Variants in DDB1 observed in about 807,000 individuals in gnomAD.
The protein encoded by DDB1 is damage specific DNA binding protein 1.
In DDB1, 18 loss-of-function variants were observed where a neutral mutation model predicts 133.1. That is an observed-to-expected ratio of 0.14 (90% CI 0.09 to 0.20). The LOEUF is 0.20. Ranked by LOEUF, DDB1 falls within the 10% of genes least tolerant of loss-of-function variation. DDB1 has a pLI of 1.00. For missense variants in DDB1, 828 were observed against 1,459.2 expected, an observed-to-expected ratio of 0.57 and a Z score of 7.05; for synonymous variants, 580 against 550.5, an observed-to-expected ratio of 1.05 and a Z score of -0.75.
At position 61,329,997 on chromosome 11, in the gene DDB1, C is replaced by T; in HGVS notation, c.288G>A (p.Glu96=). 1 of 1,614,062 alleles carries T rather than the reference C, an allele frequency of 6.2e-7. No homozygotes were observed. Among genetic ancestry groups the T allele is most frequent in the Non-Finnish European group, 8.5e-7 (1 of 1,179,922 alleles). The change falls in exon 3 of 27, where the codon GAG becomes GAA. Residue 96 remains glutamate (E), a synonymous_variant. Coordinates refer to ENST00000301764, the MANE Select transcript of DDB1 (RefSeq NM_001923.5). Reference sequence around the variant, plus strand: ...GGGCTCGCGTAATGATGTCAATGCTCTCGCCACTCTGTTTATACTCCAGGA... The same window carrying T: ...GGGCTCGCGTAATGATGTCAATGCTTTCGCCACTCTGTTTATACTCCAGGA... The part of the protein sequence containing the change: ...ACILEYKQSG[E]SIDIITRAHG...
rs1264291923 is a variant in DDB1 at position 61,309,046 on chromosome 11, C to T, written c.2598G>A (p.Val866=). 1 of 1,614,066 alleles carries T rather than the reference C, an allele frequency of 6.2e-7. No individual in the cohort carries two copies. The highest frequency in any genetic ancestry group is 8.5e-7 in the Non-Finnish European group (1 of 1,180,042). ...GKLQTVAEKE[V]KGAVYSMVEF... ...CCACCATAGAGTACACGGCCCCTTT[C>T]ACTTCCTTTTCAGCCACAGTCTGTA... Residue 866 remains valine, a synonymous_variant, in exon 21 of 27, where the codon GTG becomes GTA. Transcript: ENST00000301764.
chr11:61,330,133 C>T (rs866514603), intron 2 of DDB1, 59 bp from the exon 3 acceptor site: 6 of 1,399,926 alleles, frequency 4.3e-6, no homozygotes, highest in Non-Finnish European at 5.0e-6. Flanking sequence ...ACAACCTGTC[C>T]AGTCTTTAAG....
In DDB1 at chr11:61,329,604, T is replaced by C; in HGVS notation, c.328-20A>G. 6.3e-7 allele frequency: 1 copy of C among 1,586,982 alleles called. No individual in the cohort carries two copies. Among genetic ancestry groups the C allele is most frequent in the Non-Finnish European group, 8.6e-7 (1 of 1,165,982 alleles). On this transcript the variant is annotated intron_variant, in intron 3 of 26. Coordinates refer to ENST00000301764, the MANE Select transcript of DDB1 (RefSeq NM_001923.5). ...GCGGTCCTGAGAAACAAAATCGGGA[T>C]TAGGGAAGAACCTCAACATCCACAG...
intron 18 of DDB1, chr11:61,310,652 G>C (rs1855949646): frequency 2.5e-6 from 1 of 395,944 alleles, no homozygotes. Flanking sequence ...GATGCTTCAA[G>C]TCAATCAAGC....
chr11:61,332,652 G>A, intron 1 of DDB1: 1 of 387,816 alleles, frequency 2.6e-6, no homozygotes, highest in Non-Finnish European at 4.6e-6. Context: ...GTCTCACTGG[G>A]CCCGCCCTGT....
At chr11:61,302,908 T>C in intron 23 of DDB1, 138 bp downstream of exon 23, 4 of 1,273,450 alleles carry the variant, frequency 3.1e-6, no homozygotes, top group Non-Finnish European at 4.4e-6. Context: ...TTCTGTCACC[T>C]TTTATTCTCT....
chr11:61,325,726 A>G lies in DDB1; in HGVS notation c.665-18T>C, dbSNP rs1856258852. ...CTCTGGGACTGCAGGAAAGACAGCA[A>G]AATTAGAATGCTCAGCACTCTGGGT... On this transcript the variant is annotated intron_variant, in intron 5 of 26. Coordinates refer to ENST00000301764, the MANE Select transcript of DDB1 (RefSeq NM_001923.5). 1.2e-6 allele frequency: 2 copies of G among 1,600,766 alleles called. No individual in the cohort carries two copies. The highest frequency in any genetic ancestry group is 4.5e-5 in the East Asian group (2 of 44,820).
Position 61,333,035 on chromosome 11 carries a change from A to G in DDB1, c.-67T>C, listed in dbSNP as rs377055575. On this transcript the variant is annotated 5_prime_UTR_variant, in exon 1 of 27. Coordinates refer to ENST00000301764, the MANE Select transcript of DDB1 (RefSeq NM_001923.5). ...TAGAAAGAGGGACACAAGCGAAAAG[A>G]CAGGTGGCCCCCAACAGCGCGCAGC... is the stretch of plus-strand genomic sequence containing the variant. 11 of 1,394,238 alleles carry G rather than the reference A, an allele frequency of 7.9e-6. No individual in the cohort carries two copies. The African/African-American group carries it at 1.5e-4, about 19-fold the overall frequency. The allele number at this position is 1,394,238 out of a possible 1,614,324, so 86.4% of individuals were successfully genotyped here.
chr11:61,308,998 G>C lies in DDB1; in HGVS notation c.2646C>G (p.Ala882=), dbSNP rs1855918194. The C allele has an allele frequency of 6.2e-7, 1 of 1,614,028 alleles. No homozygotes were observed. Among genetic ancestry groups the C allele is most frequent in the Admixed American group, 1.7e-5 (1 of 60,000 alleles). ...CAGGCCTCACCGTGCTATTGATGCT[G>C]GCTAACAGCTTCCCGTTAAATTCCA... The part of the protein sequence containing the change: ...SMVEFNGKLL[A]SINSTVRLYE... The change falls in exon 21 of 27, where the codon GCC becomes GCG. Residue 882 remains alanine, a synonymous_variant. Transcript: ENST00000301764.
intron 15 of DDB1, 46 bp downstream of exon 15, chr11:61,313,816 A>T: frequency 6.2e-7 from 1 of 1,608,260 alleles, no homozygotes; most frequent in East Asian, 2.2e-5. Context: ...TGTAATTCTA[A>T]TACTCTATTT....
intron 20 of DDB1, 51 bp downstream of exon 20, chr11:61,309,745 A>T: frequency 6.3e-7 from 1 of 1,582,140 alleles, no homozygotes; most frequent in Non-Finnish European, 8.6e-7. Context: ...TGGCCTGCTG[A>T]CTTTCTCAGC....
chr11:61,303,620 C>T (rs926177618), intron 22 of DDB1, among the ~76,000 whole-genome samples: 3 of 142,642 alleles, frequency 2.1e-5, no homozygotes, highest in Non-Finnish European at 4.5e-5. Flanking sequence ...AGGAGAATGG[C>T]GTGAACCTGG....
At chr11:61,323,692 G>C (rs1856222977) in intron 7 of DDB1, 2 of 361,826 alleles carry the variant, frequency 5.5e-6, no homozygotes, top group South Asian at 3.0e-5. Flanking sequence ...GGGATCACAG[G>C]TGTGAGCCAC....
At position 61,302,438 on chromosome 11, in the gene DDB1, G is replaced by A. The variant is rs569091910; in HGVS notation, c.3113-79C>T. ...ATCCTCTACGTAAAGGGCAGCCCAGGTGAGCAGCTCAGGGAGGGCTAATGT... is the reference window on the plus strand; with the variant it reads ...ATCCTCTACGTAAAGGGCAGCCCAGATGAGCAGCTCAGGGAGGGCTAATGT... On this transcript the variant is annotated intron_variant, in intron 24 of 26. Transcript: ENST00000301764. 392 of 1,576,602 alleles carry A rather than the reference G, an allele frequency of 2.5e-4. 5 individuals are homozygous for A. The South Asian group carries it at 3.2e-3, about 13-fold the overall frequency.
rs889456381 is a variant in DDB1, at chr11:61,302,478, T to C, written c.3112+104A>G. ...AGGGCTAATGTGCTGCAGCCTCCTC[T>C]AGTAAACACCTAGGTCTTGTACAGT... On this transcript the variant is annotated intron_variant, in intron 24 of 26. Coordinates refer to ENST00000301764, the MANE Select transcript of DDB1 (RefSeq NM_001923.5). 28 of 1,577,506 alleles carry C rather than the reference T, an allele frequency of 1.8e-5. No homozygotes were observed. The Admixed American group carries it at 4.1e-4, about 23-fold the overall frequency.
At chr11:61,303,010 C>A (rs892034942) in intron 23 of DDB1, 36 bp downstream of exon 23, 2 of 1,584,542 alleles carry the variant, frequency 1.3e-6, no homozygotes, top group South Asian at 1.1e-5. Context: ...GAACTCCCAG[C>A]CCTCCCCACC....
At position 61,303,138 on chromosome 11, in the gene DDB1, A is replaced by G; in HGVS notation, c.2850T>C (p.Asn950=). 6.2e-7 allele frequency: 1 copy of G among 1,614,164 alleles called. No individual in the cohort carries two copies. The highest frequency in any genetic ancestry group is 8.5e-7 in the Non-Finnish European group (1 of 1,179,986). Residue 950 remains asparagine (N), a synonymous_variant, in exon 23 of 27, where the codon AAT becomes AAC. Coordinates refer to ENST00000301764, the MANE Select transcript of DDB1 (RefSeq NM_001923.5). The part of the protein sequence containing the change: ...GNFEEIARDF[N]PNWMSAVEIL... Reference sequence around the variant, plus strand: ...TTTCCACAGCACTCATCCAGTTGGGATTAAAGTCTCGAGCAATCTTAAAAC... The same window carrying G: ...TTTCCACAGCACTCATCCAGTTGGGGTTAAAGTCTCGAGCAATCTTAAAAC...
rs1231861984 is a variant in DDB1 at position 61,329,571 on chromosome 11, C to T, written c.341G>A (p.Arg114His). The T allele has an allele frequency of 1.2e-6, 2 of 1,611,652 alleles. No homozygotes were observed. Among genetic ancestry groups the T allele is most frequent in the Non-Finnish European group, 1.7e-6 (2 of 1,178,792 alleles). The part of the protein sequence containing the change: ...AHGNVQDRIG[R>H]PSETGIIGII... Reference sequence around the variant, plus strand: ...GCCAATAATGCCGGTCTCTGAGGGGCGGCCAATGCGGTCCTGAGAAACAAA... The same window carrying T: ...GCCAATAATGCCGGTCTCTGAGGGGTGGCCAATGCGGTCCTGAGAAACAAA... Residue 114 changes from arginine to histidine, a missense_variant, in exon 4 of 27, where the codon CGC becomes CAC. Arg to His is a conservative substitution (Grantham distance 29, BLOSUM62 0). This residue lies in a region of DDB1 where 210 missense variants were observed against 344.8 expected (regional missense o/e 0.61). Transcript: ENST00000301764.
rs771234972 is a variant in DDB1, at chr11:61,331,676, G to A, written c.77C>T (p.Ala26Val). The change falls in exon 2 of 27, where the codon GCC (alanine) becomes GTC (valine). Residue 26 changes from alanine to valine, a missense_variant. Ala to Val is a moderately conservative substitution (Grantham distance 64, BLOSUM62 0). This residue lies in a region of DDB1 where 210 missense variants were observed against 344.8 expected (regional missense o/e 0.61). Coordinates refer to ENST00000301764, the MANE Select transcript of DDB1 (RefSeq NM_001923.5). Reference sequence around the variant, plus strand: ...GGCAATCAACAGGTTTAAGTCTTCGGCCGAAGTAAAGTGTCCTGAAAGAAC... The same window carrying A: ...GGCAATCAACAGGTTTAAGTCTTCGACCGAAGTAAAGTGTCCTGAAAGAAC... ...NGCVTGHFTSAEDLNLLIAKN... is the reference protein window; with the variant it reads ...NGCVTGHFTSVEDLNLLIAKN... 8.1e-6 allele frequency: 13 copies of A among 1,613,990 alleles called. No individual in the cohort carries two copies. The highest frequency in any genetic ancestry group is 1.1e-5 in the Non-Finnish European group (13 of 1,180,020).
Sources: allele counts gnomAD v4.1 joint callset (sites outside exome capture counted in the v4.1 genomes callset), GRCh38; gene constraint gnomAD v4.1.1; regional missense constraint gnomAD v4.1.1; transcripts MANE v1.5; gene names NCBI Gene and HGNC (gene_info 2026-07-23, HGNC 2026-07-21).